The following BNC2 variants were observed in gnomAD, a reference collection of about 807,000 sequenced individuals.
BNC2 encodes the protein zinc finger protein basonuclin-2.
Under a neutral mutation model 76.3 loss-of-function variants are expected in BNC2, and 20 were observed. That is an observed-to-expected ratio of 0.26 (90% CI 0.18 to 0.38). BNC2 has a LOEUF of 0.38. Ranked by LOEUF, BNC2 falls within the 10% of genes least tolerant of loss-of-function variation. BNC2 has a pLI of 1.00. For missense variants in BNC2, 1,382 were observed against 1,399.8 expected (o/e 0.99, Z 0.20); for synonymous variants, 582 against 514.8 (o/e 1.13, Z -1.77).
At chr9:16,801,321 C>G (rs1817772858) in intron 1 of BNC2, among the ~76,000 whole-genome samples, 1 of 152,138 alleles carries the variant, frequency 6.6e-6, no homozygotes, top group Non-Finnish European at 1.5e-5. Flanking sequence ...ATATTGCTCA[C>G]TGCAACCTCT....
chr9:16,845,444 G>A (rs112490849), intron 1 of BNC2, among the ~76,000 whole-genome samples: 22 of 152,260 alleles, frequency 1.4e-4, no homozygotes, highest in East Asian at 5.8e-4. Context: ...AAAATTGGCC[G>A]GGCGCGGTGG....
chr9:16,475,570 T>C (rs1293775209), intron 5 of BNC2, among the ~76,000 whole-genome samples: 1 of 152,248 alleles, frequency 6.6e-6, no homozygotes, highest in Non-Finnish European at 1.5e-5. Flanking sequence ...ACAAAATGCA[T>C]AATTAAAAGC....
At chr9:16,671,915 A>G (rs1385100147) in intron 3 of BNC2, among the ~76,000 whole-genome samples, 4 of 152,252 alleles carry the variant, frequency 2.6e-5, no homozygotes, top group Admixed American at 2.0e-4. Flanking sequence ...AGCCAAGTGT[A>G]ACAGTGAAAA....
At chr9:16,624,007 T>C (rs140592812) in intron 3 of BNC2, among the ~76,000 whole-genome samples, 1 of 152,338 alleles carries the variant, frequency 6.6e-6, no homozygotes, top group East Asian at 1.9e-4. Flanking sequence ...TTTAGCCTAG[T>C]CAAGAATTTC....
At chr9:16,625,415 T>C (rs1820966607) in intron 3 of BNC2, among the ~76,000 whole-genome samples, 1 of 152,198 alleles carries the variant, frequency 6.6e-6, no homozygotes, top group Non-Finnish European at 1.5e-5. Flanking sequence ...AATGAGCCAA[T>C]GATCATTAAC....
chr9:16,616,254 T>C (rs1478090967), intron 3 of BNC2, among the ~76,000 whole-genome samples: 1 of 152,014 alleles, frequency 6.6e-6, no homozygotes, highest in African/African-American at 2.4e-5. Context: ...TAGGTGGGCC[T>C]GGTAGTGCAT....
At chr9:16,621,823 T>C (rs1201435791) in intron 3 of BNC2, among the ~76,000 whole-genome samples, 1 of 152,112 alleles carries the variant, frequency 6.6e-6, no homozygotes, top group Non-Finnish European at 1.5e-5. Flanking sequence ...AAAGAAAATG[T>C]CTCGATAAAC....
At chr9:16,483,209 G>C (rs1822095849) in intron 5 of BNC2, among the ~76,000 whole-genome samples, 1 of 152,214 alleles carries the variant, frequency 6.6e-6, no homozygotes, top group Non-Finnish European at 1.5e-5. Flanking sequence ...AAAATGAAAA[G>C]TATATTCTCT....
intron 5 of BNC2, among the ~76,000 whole-genome samples, chr9:16,549,506 TG>T (rs1818594321): frequency 6.6e-6 from 1 of 152,240 alleles, no homozygotes; most frequent in South Asian, 2.1e-4. Flanking sequence ...TAGAGCATTA[TG>T]GGGTTCCACA....
chr9:16,413,611 C>T lies in BNC2; in HGVS notation c.*5378G>A, dbSNP rs1312618985. 1 of 152,134 alleles carries T rather than the reference C, an allele frequency of 6.6e-6. No homozygotes were observed. Among genetic ancestry groups the T allele is most frequent in the Non-Finnish European group, 1.5e-5 (1 of 68,014 alleles). The allele number at this position is 152,134 out of a possible 1,614,324, so 9.4% of individuals were successfully genotyped here. A position where few individuals can be genotyped will look rare whatever the true frequency, so the allele number is the denominator to read the frequency against. Reference sequence around the variant, plus strand: ...TGGGCAACAGTGATGACAGATAACTCACTGGTCAGTTGTACAGCTGGAATT... The same window carrying T: ...TGGGCAACAGTGATGACAGATAACTTACTGGTCAGTTGTACAGCTGGAATT... On this transcript the variant is annotated 3_prime_UTR_variant, in exon 7 of 7. Coordinates refer to ENST00000380672, the MANE Select transcript of BNC2 (RefSeq NM_017637.6).
intron 1 of BNC2, among the ~76,000 whole-genome samples, chr9:16,804,722 A>G (rs187688759): frequency 1.3e-5 from 2 of 152,330 alleles, no homozygotes; most frequent in African/African-American, 4.8e-5. Context: ...TTCACATGTC[A>G]GAAAATGTAT....
intron 5 of BNC2, among the ~76,000 whole-genome samples, chr9:16,510,686 G>C (rs973467630): frequency 6.6e-6 from 1 of 152,162 alleles, no homozygotes; most frequent in Non-Finnish European, 1.5e-5. Flanking sequence ...GCACATGACA[G>C]GATAGGGAAG....
chr9:16,562,438 T>C (rs1157939405), intron 4 of BNC2, among the ~76,000 whole-genome samples: 1 of 152,228 alleles, frequency 6.6e-6, no homozygotes, highest in Non-Finnish European at 1.5e-5. Context: ...TAGAACACAC[T>C]GAATAAAAGG....
At chr9:16,836,121 G>C (rs927922926) in intron 1 of BNC2, among the ~76,000 whole-genome samples, 1 of 152,176 alleles carries the variant, frequency 6.6e-6, no homozygotes, top group Non-Finnish European at 1.5e-5. Context: ...CTCACGCTAT[G>C]AATGTGCCTC....
At chr9:16,784,708 T>C (rs1437853517) in intron 1 of BNC2, among the ~76,000 whole-genome samples, 1 of 152,194 alleles carries the variant, frequency 6.6e-6, no homozygotes, top group Non-Finnish European at 1.5e-5. Flanking sequence ...AGAGAAAGTC[T>C]AAAGTTAAAG....
intron 3 of BNC2, among the ~76,000 whole-genome samples, chr9:16,593,456 A>T (rs1412301979): frequency 6.6e-6 from 1 of 152,104 alleles, no homozygotes; most frequent in Non-Finnish European, 1.5e-5. Context: ...AAAAATCAAC[A>T]GCGGGATATA....
intron 3 of BNC2, among the ~76,000 whole-genome samples, chr9:16,662,223 G>A (rs546458701): frequency 2.6e-5 from 4 of 152,184 alleles, no homozygotes; most frequent in African/African-American, 9.7e-5. Flanking sequence ...TAGATGATGT[G>A]ATGCTACATA....
chr9:16,613,115 A>G (rs1288030393), intron 3 of BNC2, among the ~76,000 whole-genome samples: 1 of 152,168 alleles, frequency 6.6e-6, no homozygotes, highest in Non-Finnish European at 1.5e-5. Context: ...TGAAAAATCA[A>G]CTGGATCAAA....
At chr9:16,692,319 G>C (rs1260725709) in intron 3 of BNC2, among the ~76,000 whole-genome samples, 3 of 152,184 alleles carry the variant, frequency 2.0e-5, no homozygotes, top group African/African-American at 7.2e-5. Flanking sequence ...CTCAACTCCA[G>C]CTATCTTAAA....
Sources: allele counts gnomAD v4.1 joint callset (sites outside exome capture counted in the v4.1 genomes callset), GRCh38; gene constraint gnomAD v4.1.1; transcripts MANE v1.5; gene names NCBI Gene and HGNC (gene_info 2026-07-23, HGNC 2026-07-21).